ANKIB1: variants seen among roughly 807,000 people sequenced by gnomAD.
The protein encoded by ANKIB1 is ankyrin repeat and IBR domain containing 1.
ANKIB1 carries 43 observed loss-of-function variants against 122.1 expected under a neutral mutation model. The observed-to-expected ratio is 0.35, with a 90% CI of 0.28 to 0.45. The LOEUF (loss-of-function observed/expected upper bound fraction) is 0.45, where lower values mean the gene tolerates loss of function less well. ANKIB1 is among the 20% of genes least tolerant of loss of function. ANKIB1 has a pLI of 1.00. For missense variants in ANKIB1, 992 were observed against 1,329.5 expected (o/e 0.75, Z 3.95); for synonymous variants, 390 against 442.0 (o/e 0.88, Z 1.48).
At chr7:92,344,500 C>T (rs112964646) in intron 6 of ANKIB1, among the ~76,000 whole-genome samples, 4 of 151,976 alleles carry the variant, frequency 2.6e-5, no homozygotes, top group Admixed American at 6.6e-5. Context: ...CCACCGCGCC[C>T]GGCCTAATAC....
intron 14 of ANKIB1, among the ~76,000 whole-genome samples, 164 bp downstream of exon 14, chr7:92,388,205 C>T (rs1804706405): frequency 1.3e-5 from 2 of 152,112 alleles, no homozygotes; most frequent in South Asian, 4.1e-4. Context: ...CAGATGAGGC[C>T]TCTGTGATTG....
chr7:92,341,882 G>A (rs183888382), intron 5 of ANKIB1, among the ~76,000 whole-genome samples: 12 of 152,204 alleles, frequency 7.9e-5, no homozygotes, highest in Admixed American at 6.5e-4. Flanking sequence ...CATATTTTCA[G>A]TTTACAGTGG....
intron 5 of ANKIB1, among the ~76,000 whole-genome samples, chr7:92,341,854 C>T (rs1260675003): frequency 6.6e-6 from 1 of 152,122 alleles, no homozygotes; most frequent in African/African-American, 2.4e-5. Context: ...CCTAGTTAAC[C>T]ACACATTTTC....
chr7:92,351,274 A>G (rs1225342851), intron 8 of ANKIB1, among the ~76,000 whole-genome samples, 180 bp downstream of exon 8: 1 of 152,218 alleles, frequency 6.6e-6, no homozygotes, highest in Non-Finnish European at 1.5e-5. Flanking sequence ...CTAAAGCATT[A>G]TTTTGTAATA....
chr7:92,267,103 A>G (rs1462818128), intron 1 of ANKIB1, among the ~76,000 whole-genome samples: 4 of 152,212 alleles, frequency 2.6e-5, no homozygotes, highest in Admixed American at 2.6e-4. Context: ...TGATGAATGG[A>G]ACAGGTATGT....
At chr7:92,309,923 TAAAAA>T (rs869276384) in intron 3 of ANKIB1, among the ~76,000 whole-genome samples, 11 of 96,040 alleles carry the variant, frequency 1.1e-4, no homozygotes, top group African/African-American at 4.4e-4. Context: ...AGACTCCATC[TAAAAA>T]AAAAAAAAAA....
intron 16 of ANKIB1, among the ~76,000 whole-genome samples, 181 bp downstream of exon 16, chr7:92,391,525 T>G (rs1269124151): frequency 1.3e-5 from 2 of 152,150 alleles, no homozygotes; most frequent in Non-Finnish European, 2.9e-5. Context: ...TATTTCTGTT[T>G]TTCTTGTTAT....
At chr7:92,354,361 A>T (rs186528691) in intron 9 of ANKIB1, among the ~76,000 whole-genome samples, 38 of 152,288 alleles carry the variant, frequency 2.5e-4, no homozygotes, top group Admixed American at 9.2e-4. Flanking sequence ...CCCTACTTTG[A>T]GTTTTATCCC....
At chr7:92,380,879 A>G (rs764209503) in intron 11 of ANKIB1, among the ~76,000 whole-genome samples, 3 of 152,214 alleles carry the variant, frequency 2.0e-5, no homozygotes, top group Admixed American at 6.5e-5. Context: ...CTCGCCAGCA[A>G]CGGAACAAAG....
At chr7:92,388,929 T>C (rs1301277440) in intron 14 of ANKIB1, among the ~76,000 whole-genome samples, 5 of 152,194 alleles carry the variant, frequency 3.3e-5, no homozygotes, top group Non-Finnish European at 7.3e-5. Context: ...AATATCAAAC[T>C]CTTGAAGTAT....
intron 1 of ANKIB1, among the ~76,000 whole-genome samples, chr7:92,289,893 T>A (rs1736969113): frequency 6.6e-6 from 1 of 152,230 alleles, no homozygotes; most frequent in Non-Finnish European, 1.5e-5. Flanking sequence ...CTCGGCTCAC[T>A]GCAACTTCCA....
Position 92,307,486 on chromosome 7 carries a change from C to G in ANKIB1, c.316C>G (p.Pro106Ala), listed in dbSNP as rs1417756486. 1.2e-6 allele frequency: 2 copies of G among 1,613,798 alleles called. No individual in the cohort carries two copies. Among genetic ancestry groups the G allele is most frequent in the East Asian group, 2.2e-5 (1 of 44,862 alleles). Reference protein sequence around the residue: ...EGALHPRLARPTEDDFRRADC... With the variant: ...EGALHPRLARATEDDFRRADC... ...AGCCCTTCATCCTCGCTTGGCACGC[C>G]CCACAGAAGATGATTTCAGAAGAGC... The change falls in exon 3 of 20, where the codon CCC (proline) becomes GCC (alanine). Residue 106 changes from proline (P) to alanine (A), a missense_variant. Physicochemically the swap from Pro to Ala is conservative, Grantham distance 27 (BLOSUM62 -1). Transcript: ENST00000265742.
chr7:92,319,527 T>C lies in ANKIB1; in HGVS notation c.669+15T>C, dbSNP rs1194137452. Reference sequence around the variant, plus strand: ...ACAAACGAGAGGTCAGTTTATTTTTTCTTCTCAGTAAAAAAATTACATGTA... The same window carrying C: ...ACAAACGAGAGGTCAGTTTATTTTTCCTTCTCAGTAAAAAAATTACATGTA... On this transcript the variant is annotated intron_variant, in intron 4 of 19. Coordinates refer to ENST00000265742, the MANE Select transcript of ANKIB1 (RefSeq NM_019004.2). The C allele has an allele frequency of 6.3e-7, 1 of 1,585,996 alleles. No homozygotes were observed. The highest frequency in any genetic ancestry group is 8.5e-7 in the Non-Finnish European group (1 of 1,172,822).
intron 7 of ANKIB1, chr7:92,347,981 T>C (rs763686525): frequency 1.1e-5 from 5 of 448,686 alleles, no homozygotes. Flanking sequence ...ACCTATGATA[T>C]CATCTGTGAA....
chr7:92,260,697 A>G (rs1238430568), intron 1 of ANKIB1, among the ~76,000 whole-genome samples: 1 of 151,924 alleles, frequency 6.6e-6, no homozygotes, highest in Non-Finnish European at 1.5e-5. Flanking sequence ...AAAAAAAAAA[A>G]GTCATTTTGG....
intron 7 of ANKIB1, among the ~76,000 whole-genome samples, chr7:92,346,196 C>T (rs1464771334): frequency 6.6e-6 from 1 of 150,760 alleles, no homozygotes; most frequent in Admixed American, 6.6e-5. Context: ...GGTGTGATCT[C>T]GGCTCACTGC....
rs186662178 is a variant in ANKIB1, at chr7:92,269,804, A to T, written c.-91+23285A>T. ...ACAGTTTCTGGTCTTTTTTTTTTTA[A>T]AAAAAATTATACTTTAAGTTCTAGG... On this transcript the variant is annotated intron_variant, in intron 1 of 19. Coordinates refer to ENST00000265742, the MANE Select transcript of ANKIB1 (RefSeq NM_019004.2). 2.2e-3 allele frequency among the ~76,000 whole-genome samples: 328 copies of T among 149,890 alleles called. 2 individuals carry two copies. Among genetic ancestry groups the T allele is most frequent in the East Asian group, 5.8e-3 (30 of 5,148 alleles).
intron 5 of ANKIB1, among the ~76,000 whole-genome samples, 157 bp from the exon 6 acceptor site, chr7:92,342,867 A>G (rs1803466192): frequency 6.6e-6 from 1 of 152,266 alleles, no homozygotes; most frequent in Admixed American, 6.5e-5. Context: ...GCTAATAACA[A>G]GAACATACCT....
chr7:92,358,491 G>A (rs1281779273), intron 9 of ANKIB1, among the ~76,000 whole-genome samples: 1 of 151,260 alleles, frequency 6.6e-6, no homozygotes, highest in East Asian at 1.9e-4. Flanking sequence ...ACACAGTCTT[G>A]GAGAGCCAAG....
Sources: allele counts gnomAD v4.1 joint callset (sites outside exome capture counted in the v4.1 genomes callset), GRCh38; gene constraint gnomAD v4.1.1; transcripts MANE v1.5; gene names NCBI Gene and HGNC (gene_info 2026-07-23, HGNC 2026-07-21).